Variants in ROBO2 observed in about 807,000 individuals in gnomAD.
The protein encoded by ROBO2 is roundabout guidance receptor 2.
In ROBO2, 53 loss-of-function variants were observed where a neutral mutation model predicts 160.8. The observed-to-expected ratio is 0.33, with a 90% CI of 0.26 to 0.41. The LOEUF (loss-of-function observed/expected upper bound fraction) is 0.41, where lower values mean the gene tolerates loss of function less well. ROBO2 is among the 10% of genes least tolerant of loss of function. ROBO2 has a pLI of 1.00. For synonymous variants in ROBO2, 664 were observed against 611.7 expected, an observed-to-expected ratio of 1.09 and a Z score of -1.26; for missense variants, 1,577 against 1,722.4, an observed-to-expected ratio of 0.92 and a Z score of 1.49.
At chr3:76,056,426 G>A (rs903715417) in intron 2 of ROBO2, among the ~76,000 whole-genome samples, 8 of 151,826 alleles carry the variant, frequency 5.3e-5, no homozygotes, top group Non-Finnish European at 1.0e-4. Context: ...TTAAAAAATG[G>A]TGCGTTTTTA....
intron 2 of ROBO2, among the ~76,000 whole-genome samples, chr3:76,622,249 A>ACATAGCCAGGT (rs2089219234): frequency 3.8e-5 from 2 of 52,670 alleles, no homozygotes; most frequent in Non-Finnish European, 3.8e-5. Flanking sequence ...AAAGAAAGAA[A>ACATAGCCAGGT]GAAAGAAAGA....
At chr3:76,963,013 C>T (rs9877291) in intron 2 of ROBO2, among the ~76,000 whole-genome samples, 26,011 of 151,724 alleles carry the variant, frequency 0.17, 2,206 homozygotes, top group South Asian at 0.19. Flanking sequence ...TAGTTCCTAG[C>T]GTCGTGTCTA....
chr3:77,627,129 A>T (rs2095043931), intron 23 of ROBO2, among the ~76,000 whole-genome samples: 1 of 152,204 alleles, frequency 6.6e-6, no homozygotes, highest in Admixed American at 6.5e-5. Flanking sequence ...TTAAATGTGT[A>T]TTTCAAAATT....
intron 2 of ROBO2, among the ~76,000 whole-genome samples, chr3:76,318,583 G>T (rs2072243284): frequency 6.6e-6 from 1 of 152,066 alleles, no homozygotes; most frequent in Admixed American, 6.6e-5. Context: ...AAAACACCTT[G>T]GATATATTAG....
intron 2 of ROBO2, among the ~76,000 whole-genome samples, chr3:75,997,773 G>A (rs370918778): frequency 2.0e-5 from 3 of 152,194 alleles, no homozygotes; most frequent in South Asian, 4.1e-4. Context: ...GATTACAGGC[G>A]TGAGCCACCG....
intron 2 of ROBO2, among the ~76,000 whole-genome samples, chr3:76,591,014 A>G (rs897997478): frequency 6.6e-6 from 1 of 152,020 alleles, no homozygotes; most frequent in Non-Finnish European, 1.5e-5. Flanking sequence ...AAGTAACATG[A>G]GGTTTGGGGT....
At chr3:77,532,213 TC>T (rs201338784) in intron 6 of ROBO2, among the ~76,000 whole-genome samples, 1,544 of 149,404 alleles carry the variant, frequency 0.01, 15 homozygotes, top group Middle Eastern at 0.049. Flanking sequence ...CACACTTCTT[TC>T]TTTTTTTTTC....
intron 2 of ROBO2, among the ~76,000 whole-genome samples, chr3:77,291,646 T>A (rs1409076239): frequency 1.3e-5 from 2 of 150,622 alleles, no homozygotes; most frequent in Non-Finnish European, 2.9e-5. Flanking sequence ...TGAGGCTAGA[T>A]CACCCCAGAC....
intron 2 of ROBO2, among the ~76,000 whole-genome samples, chr3:76,874,317 A>C (rs1360350393): frequency 6.6e-6 from 1 of 151,992 alleles, no homozygotes; most frequent in Non-Finnish European, 1.5e-5. Context: ...ACAGGGGACA[A>C]GTTTTTCATC....
intron 2 of ROBO2, among the ~76,000 whole-genome samples, chr3:75,980,417 A>G (rs989972150): frequency 2.6e-5 from 4 of 151,470 alleles, no homozygotes; most frequent in Non-Finnish European, 5.9e-5. Context: ...CCAAATGCAT[A>G]TGGCTTTTTT....
chr3:75,966,867 T>C (rs1949134534), intron 2 of ROBO2, among the ~76,000 whole-genome samples: 2 of 151,696 alleles, frequency 1.3e-5, no homozygotes, highest in Non-Finnish European at 2.9e-5. Context: ...GTAGTAACTT[T>C]TATCTGTATA....
At chr3:76,723,976 C>T (rs1471032548) in intron 2 of ROBO2, among the ~76,000 whole-genome samples, 1 of 152,118 alleles carries the variant, frequency 6.6e-6, no homozygotes, top group Non-Finnish European at 1.5e-5. Context: ...TGAGAATGGC[C>T]GTCTAGATTC....
At chr3:76,160,070 T>C (rs1281216671) in intron 2 of ROBO2, among the ~76,000 whole-genome samples, 2 of 152,164 alleles carry the variant, frequency 1.3e-5, no homozygotes, top group African/African-American at 2.4e-5. Context: ...CTAACTTTCT[T>C]AAAACACTCT....
intron 2 of ROBO2, among the ~76,000 whole-genome samples, chr3:76,424,989 G>A (rs6548427): frequency 0.66 from 100,674 of 151,862 alleles, 34,142 homozygotes; most frequent in African/African-American, 0.82. Context: ...GCATGTCTCT[G>A]GTGTTTTTGT....
Position 76,929,174 on chromosome 3 carries a change from C to T in ROBO2, c.110-168840C>T, listed in dbSNP as rs138649302. On this transcript the variant is annotated intron_variant, in intron 2 of 26. Transcript: ENST00000487694. ...ACTCTGGAGGCTGAGACAGGAGAAT[C>T]GCTTGAACCTGGGAGGCAGAGTTTG... Among the ~76,000 whole-genome samples, 232 of 152,238 alleles carry T rather than the reference C, an allele frequency of 1.5e-3. 3 individuals are homozygous for T. Among genetic ancestry groups the T allele is most frequent in the African/African-American group, 5.2e-3 (216 of 41,568 alleles).
chr3:76,663,038 GT>G (rs2091891319), intron 2 of ROBO2, among the ~76,000 whole-genome samples: 1 of 152,172 alleles, frequency 6.6e-6, no homozygotes, highest in Non-Finnish European at 1.5e-5. Context: ...CAGAAAAGAA[GT>G]GTGGTTAGTA....
intron 2 of ROBO2, among the ~76,000 whole-genome samples, chr3:76,480,127 T>G (rs1182362831): frequency 3.3e-5 from 5 of 152,150 alleles, no homozygotes; most frequent in African/African-American, 1.2e-4. Flanking sequence ...AGTTATTTAT[T>G]CCTACAGATT....
intron 2 of ROBO2, among the ~76,000 whole-genome samples, chr3:76,611,776 C>T (rs1045001350): frequency 5.9e-5 from 9 of 152,050 alleles, no homozygotes; most frequent in Non-Finnish European, 7.4e-5. Context: ...CTGCTCTAAT[C>T]TTTCTTATTT....
intron 2 of ROBO2, among the ~76,000 whole-genome samples, chr3:77,396,191 T>C (rs904823937): frequency 6.6e-6 from 1 of 152,034 alleles, no homozygotes; most frequent in African/African-American, 2.4e-5. Flanking sequence ...TTTGTTTCTA[T>C]ATACAAGATT....
Sources: gnomAD v4.1 joint callset for allele counts (sites outside exome capture counted in the v4.1 genomes callset) on GRCh38, gnomAD v4.1.1 for gene constraint, MANE v1.5 for transcripts, NCBI Gene and HGNC (gene_info 2026-07-23, HGNC 2026-07-21) for gene names.